ANTXR2: variants seen among roughly 807,000 people sequenced by gnomAD.
ANTXR2 encodes anthrax toxin receptor 2.
Under a neutral mutation model 73.7 loss-of-function variants are expected in ANTXR2, and 44 were observed. The ratio of observed to expected loss-of-function variants is 0.60; its 90% CI spans 0.47 to 0.77. The LOEUF (loss-of-function observed/expected upper bound fraction) is 0.77, where lower values mean the gene tolerates loss of function less well. Ranked by LOEUF, ANTXR2 falls within the 30% of genes least tolerant of loss-of-function variation. The pLI is 0.00. For synonymous variants in ANTXR2, 217 were observed against 205.9 expected (o/e 1.05, Z -0.46); for missense variants, 604 against 592.5 (o/e 1.02, Z -0.20).
In ANTXR2 at chr4:80,072,801, A is replaced by G; in HGVS notation, c.-241T>C. 1.9e-6 allele frequency: 2 copies of G among 1,067,996 alleles called. No individual in the cohort carries two copies. The highest frequency in any genetic ancestry group is 2.4e-6 in the Non-Finnish European group (2 of 826,458). The allele number at this position is 1,067,996 out of a possible 1,614,324, so 66.2% of individuals were successfully genotyped here. On this transcript the variant is annotated 5_prime_UTR_variant, in exon 1 of 17. Coordinates refer to ENST00000403729, the MANE Select transcript of ANTXR2 (RefSeq NM_058172.6). ...GCCGCCGGAACTCTTGACGAATCCC[A>G]GTGGAAGCGCGATCCAGTCCTCCCC...
At chr4:79,928,774 A>G (rs1185161781) in intron 16 of ANTXR2, among the ~76,000 whole-genome samples, 1 of 152,204 alleles carries the variant, frequency 6.6e-6, no homozygotes, top group East Asian at 1.9e-4. Context: ...TATAGTTATT[A>G]TAATTATCAT....
chr4:79,995,102 A>G (rs36094677), intron 12 of ANTXR2, among the ~76,000 whole-genome samples: 10,667 of 152,078 alleles, frequency 0.07, 452 homozygotes, highest in Middle Eastern at 0.11. Context: ...AACTTTTTAA[A>G]GTATATGTTG....
At chr4:80,028,062 C>T (rs1027125511) in intron 10 of ANTXR2, among the ~76,000 whole-genome samples, 2 of 151,894 alleles carry the variant, frequency 1.3e-5, no homozygotes, top group Non-Finnish European at 2.9e-5. Flanking sequence ...AAAAGTAAAC[C>T]GTGTTCATCC....
chr4:79,977,480 T>G, intron 16 of ANTXR2, 141 bp downstream of exon 16: 1 of 1,445,146 alleles, frequency 6.9e-7, no homozygotes, highest in Non-Finnish European at 9.1e-7. Context: ...GACAATTCTA[T>G]GTAATAGAAA....
At chr4:80,008,689 T>C (rs928622609) in intron 11 of ANTXR2, 73 bp from the exon 12 acceptor site, 14 of 874,766 alleles carry the variant, frequency 1.6e-5, no homozygotes, top group African/African-American at 3.6e-5. Flanking sequence ...ATATATATTT[T>C]AAGGAAACAC....
intron 10 of ANTXR2, 66 bp from the exon 11 acceptor site, chr4:80,019,042 T>A: frequency 9.0e-7 from 1 of 1,115,444 alleles, no homozygotes; most frequent in East Asian, 3.0e-5. Context: ...GATTTTTATT[T>A]CCTTATGTAA....
intron 7 of ANTXR2, among the ~76,000 whole-genome samples, chr4:80,048,157 T>C (rs1442084151): frequency 6.6e-6 from 1 of 151,156 alleles, no homozygotes; most frequent in African/African-American, 2.4e-5. Context: ...ATAACTATAT[T>C]ATAAAAATAT....
rs1553925226 is a variant in ANTXR2, at chr4:79,915,862, C to CTATATATATA, written c.1429-8405_1429-8396dup. 2.0e-3 allele frequency among the ~76,000 whole-genome samples: 248 copies of CTATATATATA among 123,846 alleles called. 2 individuals carry two copies. Among genetic ancestry groups the CTATATATATA allele is most frequent in the South Asian group, 3.0e-3 (11 of 3,650 alleles). 81.2% of individuals were successfully genotyped at this position (123,846 alleles called of 152,430 possible). A position where few individuals can be genotyped will look rare whatever the true frequency, so the allele number is the denominator to read the frequency against. On this transcript the variant is annotated intron_variant, in intron 16 of 16. Coordinates refer to ENST00000403729, the MANE Select transcript of ANTXR2 (RefSeq NM_058172.6). ...TCTCTCTCTCTCTCTCTCTCTCTCTCTATATATATATATATACATAAAGAA... is the reference window on the plus strand; with the variant it reads ...TCTCTCTCTCTCTCTCTCTCTCTCTCTATATATATATATATATATATATATACATAAAGAA...
At chr4:80,001,409 A>T (rs910421078) in intron 12 of ANTXR2, among the ~76,000 whole-genome samples, 2 of 147,120 alleles carry the variant, frequency 1.4e-5, no homozygotes, top group Non-Finnish European at 3.0e-5. Flanking sequence ...TGAGTAAACT[A>T]TCACAAGAAC....
intron 16 of ANTXR2, among the ~76,000 whole-genome samples, chr4:79,915,537 A>T (rs1421583506): frequency 6.6e-6 from 1 of 152,170 alleles, no homozygotes; most frequent in Non-Finnish European, 1.5e-5. Flanking sequence ...TTTCAAACAC[A>T]GTTAGCTGAT....
chr4:79,984,786 AC>A, intron 13 of ANTXR2, 32 bp downstream of exon 13: 1 of 1,580,590 alleles, frequency 6.3e-7, no homozygotes, highest in Admixed American at 1.7e-5. Context: ...GAAAAAAAAA[AC>A]AGCCATATCA....
intron 16 of ANTXR2, among the ~76,000 whole-genome samples, chr4:79,977,259 TTGCTACTAAA>T (rs1417170686): frequency 6.6e-6 from 1 of 152,244 alleles, no homozygotes; most frequent in African/African-American, 2.4e-5. Flanking sequence ...CTAGGCCTTA[TTGCTACTAAA>T]TGCTACTAAA....
chr4:79,961,890 A>C (rs1729157928), intron 16 of ANTXR2, among the ~76,000 whole-genome samples: 1 of 152,138 alleles, frequency 6.6e-6, no homozygotes, highest in African/African-American at 2.4e-5. Flanking sequence ...CTCAAGATAA[A>C]TATTTATCTA....
chr4:80,061,359 A>T (rs1344976555), intron 3 of ANTXR2, among the ~76,000 whole-genome samples: 1 of 152,024 alleles, frequency 6.6e-6, no homozygotes, highest in East Asian at 1.9e-4. Context: ...CCACTAAAAC[A>T]AAAAGCCTCA....
intron 7 of ANTXR2, among the ~76,000 whole-genome samples, chr4:80,037,700 A>C (rs991181472): frequency 2.0e-5 from 3 of 152,184 alleles, no homozygotes; most frequent in Non-Finnish European, 4.4e-5. Flanking sequence ...GAAGGGTAGT[A>C]TTTCAAATCA....
intron 10 of ANTXR2, among the ~76,000 whole-genome samples, chr4:80,027,848 C>T (rs546803885): frequency 2.0e-4 from 30 of 152,242 alleles, no homozygotes; most frequent in African/African-American, 4.8e-4. Flanking sequence ...AATAAGCCCA[C>T]GTTGCAAATA....
At chr4:79,996,713 T>C (rs1318144349) in intron 12 of ANTXR2, among the ~76,000 whole-genome samples, 1 of 151,990 alleles carries the variant, frequency 6.6e-6, no homozygotes, top group Non-Finnish European at 1.5e-5. Flanking sequence ...TTACTGTTAG[T>C]AAAAATACAT....
intron 16 of ANTXR2, among the ~76,000 whole-genome samples, chr4:79,952,815 AT>A (rs1318209437): frequency 1.3e-4 from 20 of 151,668 alleles, no homozygotes; most frequent in African/African-American, 4.8e-4. Context: ...CCATCTTATT[AT>A]TATTAATAAT....
In ANTXR2 at chr4:79,906,065, A is replaced by G. The variant is rs1319031806; in HGVS notation, c.*1364T>C. 1 of 152,612 alleles carries G rather than the reference A, an allele frequency of 6.6e-6. No homozygotes were observed. Among genetic ancestry groups the G allele is most frequent in the Non-Finnish European group, 1.5e-5 (1 of 68,054 alleles). 9.5% of individuals were successfully genotyped at this position (152,612 alleles called of 1,614,324 possible). A position where few individuals can be genotyped will look rare whatever the true frequency, so the allele number is the denominator to read the frequency against. ...CATCTGAAGTACAGTATCGAAAGTG[A>G]CTAGATCATTTGAGCTTTTTTCTTC... On this transcript the variant is annotated 3_prime_UTR_variant, in exon 17 of 17. Coordinates refer to ENST00000403729, the MANE Select transcript of ANTXR2 (RefSeq NM_058172.6).
Sources: allele counts gnomAD v4.1 joint callset (sites outside exome capture counted in the v4.1 genomes callset), GRCh38; gene constraint gnomAD v4.1.1; transcripts MANE v1.5; gene names NCBI Gene and HGNC (gene_info 2026-07-23, HGNC 2026-07-21).